Variants in C1D observed in about 807,000 individuals in gnomAD.
The protein encoded by C1D is nuclear nucleic acid-binding protein C1D.
C1D carries 10 observed loss-of-function variants against 17.5 expected under a neutral mutation model. The ratio of observed to expected loss-of-function variants is 0.57; its 90% confidence interval spans 0.35 to 0.97. The LOEUF (loss-of-function observed/expected upper bound fraction) is 0.97. Ranked by LOEUF, C1D falls within the 50% of genes least tolerant of loss-of-function variation. The probability of loss-of-function intolerance (pLI) is 0.01; values close to 1 mark genes in which losing one functional copy is unlikely to be tolerated. For missense variants in C1D, 136 were observed against 160.1 expected (o/e 0.85, Z 0.81); for synonymous variants, 49 against 54.0 (o/e 0.91, Z 0.40).
rs753367606 is a variant in C1D, at chr2:68,042,839, G to T, written c.*50C>A. 35 of 387,388 alleles carry T rather than the reference G, an allele frequency of 9.0e-5. 11 individuals carry two copies. The highest frequency in any genetic ancestry group is 6.6e-4 in the South Asian group (23 of 35,102). 24.0% of individuals were successfully genotyped at this position (387,388 alleles called of 1,614,324 possible). ...ACAGAATTATTTTGCGGGGGGGGGGGGGGGGGGGAAGATGTACTTTTTGAA... is the reference window on the plus strand; with the variant it reads ...ACAGAATTATTTTGCGGGGGGGGGGTGGGGGGGGAAGATGTACTTTTTGAA... On this transcript the variant is annotated 3_prime_UTR_variant, in exon 5 of 5. Transcript: ENST00000410067.
At chr2:68,046,734 T>C (rs925569237) in intron 2 of C1D, among the ~76,000 whole-genome samples, 4 of 152,296 alleles carry the variant, frequency 2.6e-5, no homozygotes, top group Admixed American at 2.6e-4. Flanking sequence ...TCAAAAGTAA[T>C]TTATCAATAT....
At position 68,046,047 on chromosome 2, in the gene C1D, C is replaced by T. The variant is rs377695809; in HGVS notation, c.206-4G>A. 7 of 1,571,032 alleles carry T rather than the reference C, an allele frequency of 4.5e-6. No individual in the cohort carries two copies. The highest frequency in any genetic ancestry group is 5.2e-6 in the Non-Finnish European group (6 of 1,155,582). ...ACTCCTTGGGTTGCCAAATAAACTA[C>T]AAGAGAAAAATTTCATGGAATAAAA... On this transcript the variant is annotated splice_region_variant and splice_polypyrimidine_tract_variant and intron_variant, in intron 3 of 4. Transcript: ENST00000410067.
At chr2:68,050,420 C>G (rs557659215) in intron 1 of C1D, among the ~76,000 whole-genome samples, 1 of 152,130 alleles carries the variant, frequency 6.6e-6, no homozygotes, top group South Asian at 2.1e-4. Context: ...TCCTTTCCTT[C>G]CATCCTTTCT....
chr2:68,043,165 A>G, intron 4 of C1D, 112 bp from the exon 5 acceptor site: 2 of 783,048 alleles, frequency 2.6e-6, no homozygotes, highest in South Asian at 3.9e-5. Flanking sequence ...ATTGCCTATT[A>G]AAGTGCATGG....
chr2:68,051,829 C>T (rs1167840919), intron 1 of C1D, among the ~76,000 whole-genome samples: 1 of 151,788 alleles, frequency 6.6e-6, no homozygotes, highest in Non-Finnish European at 1.5e-5. Context: ...AAATGCACAC[C>T]CCTCCCCCAC....
At chr2:68,053,164 G>A in intron 1 of C1D, 1 of 1,550,486 alleles carries the variant, frequency 6.4e-7, no homozygotes, top group South Asian at 1.2e-5. Flanking sequence ...AGACGGAGAG[G>A]GCATGAGAAA....
Position 68,047,332 on chromosome 2 carries a change from A to T in C1D, c.-9-13T>A, listed in dbSNP as rs1671157460. 3 of 1,594,216 alleles carry T rather than the reference A, an allele frequency of 1.9e-6. No homozygotes were observed. Among genetic ancestry groups the T allele is most frequent in the Non-Finnish European group, 2.6e-6 (3 of 1,172,418 alleles). On this transcript the variant is annotated splice_polypyrimidine_tract_variant and intron_variant, in intron 1 of 4. Coordinates refer to ENST00000410067, the MANE Select transcript of C1D (RefSeq NM_173177.3). ...CCATTATGGCTGACTGGAAAAAATT[A>T]AATTCTTTGAATTCATATTAGAGAC...
At chr2:68,053,210 G>A (rs1180909093) in intron 1 of C1D, 3 of 1,548,896 alleles carry the variant, frequency 1.9e-6, no homozygotes, top group Non-Finnish European at 2.6e-6. Context: ...AGGTGTGGCT[G>A]AGACTGAGTA....
intron 1 of C1D, among the ~76,000 whole-genome samples, chr2:68,060,947 T>C (rs560643492): frequency 1.3e-3 from 192 of 152,294 alleles, no homozygotes; most frequent in African/African-American, 4.3e-3. Flanking sequence ...ACCTAAGACG[T>C]AATTTTGGAA....
intron 1 of C1D, among the ~76,000 whole-genome samples, chr2:68,051,902 C>T (rs17521963): frequency 0.041 from 6,208 of 151,926 alleles, 224 homozygotes; most frequent in Admixed American, 0.1. Flanking sequence ...TTATTTGTTG[C>T]CGGTCTACTG....
chr2:68,053,274 G>A (rs1250183848), intron 1 of C1D: 13 of 1,453,498 alleles, frequency 8.9e-6, no homozygotes, highest in Non-Finnish European at 1.2e-5. Context: ...CTGCCACTCA[G>A]TCCTTCCTCT....
chr2:68,050,392 A>G (rs905332169), intron 1 of C1D, among the ~76,000 whole-genome samples: 4 of 152,090 alleles, frequency 2.6e-5, no homozygotes, highest in African/African-American at 9.7e-5. Context: ...AGAGATGCTT[A>G]TACTAACAGT....
chr2:68,061,984 T>C (rs1359927562), intron 1 of C1D, among the ~76,000 whole-genome samples: 2 of 152,188 alleles, frequency 1.3e-5, no homozygotes, highest in Admixed American at 1.3e-4. Context: ...AACACAAACA[T>C]TTCTCTGTAC....
intron 1 of C1D, among the ~76,000 whole-genome samples, chr2:68,057,823 T>C (rs930235947): frequency 6.6e-6 from 1 of 152,218 alleles, no homozygotes; most frequent in African/African-American, 2.4e-5. Context: ...CATATAAATG[T>C]GTTTTCTACA....
chr2:68,045,703 C>G, intron 4 of C1D, among the ~76,000 whole-genome samples: 1 of 151,514 alleles, frequency 6.6e-6, no homozygotes. Flanking sequence ...AAAAGTAGTT[C>G]TAGAGATAAA....
chr2:68,059,353 T>C (rs918572091), intron 1 of C1D, among the ~76,000 whole-genome samples: 1 of 152,148 alleles, frequency 6.6e-6, no homozygotes, highest in Admixed American at 6.5e-5. Flanking sequence ...AGGAGACACA[T>C]ACCCAAATCA....
At chr2:68,051,213 C>T (rs1281938112) in intron 1 of C1D, among the ~76,000 whole-genome samples, 1 of 152,202 alleles carries the variant, frequency 6.6e-6, no homozygotes, top group Non-Finnish European at 1.5e-5. Flanking sequence ...CCTCATTCGA[C>T]ATAAGACAAA....
chr2:68,048,153 T>C (rs1671185463), intron 1 of C1D, among the ~76,000 whole-genome samples: 1 of 152,188 alleles, frequency 6.6e-6, no homozygotes, highest in South Asian at 2.1e-4. Flanking sequence ...TGGTTTTCAT[T>C]TGTGCTAGTG....
At chr2:68,050,694 C>T (rs148714259) in intron 1 of C1D, among the ~76,000 whole-genome samples, 59 of 152,322 alleles carry the variant, frequency 3.9e-4, no homozygotes, top group African/African-American at 1.4e-3. Context: ...CTCTAATTTA[C>T]TCCCAGGTAA....
Sources: gnomAD v4.1 joint callset for allele counts (sites outside exome capture counted in the v4.1 genomes callset) on GRCh38, gnomAD v4.1.1 for gene constraint, MANE v1.5 for transcripts, NCBI Gene and HGNC (gene_info 2026-07-23, HGNC 2026-07-21) for gene names.